RGSL1: variants seen among roughly 807,000 people sequenced by gnomAD.
RGSL1 encodes regulator of G protein signaling like 1.
A neutral mutation model predicts 124.7 loss-of-function variants in RGSL1; 97 were observed. The ratio of observed to expected loss-of-function variants is 0.78; its 90% CI spans 0.66 to 0.92. The LOEUF is 0.92. Among genes scored for constraint, RGSL1 ranks in the 40% least tolerant of loss-of-function variants. RGSL1 has a pLI of 0.00. For missense variants in RGSL1, 1,233 were observed against 1,288.4 expected, an observed-to-expected ratio of 0.96 and a Z score of 0.66; for synonymous variants, 424 against 438.1, an observed-to-expected ratio of 0.97 and a Z score of 0.40.
In RGSL1 at chr1:182,473,967, G is replaced by C. The variant is rs1055030469; in HGVS notation, c.856G>C (p.Glu286Gln). 4 of 1,551,908 alleles carry C rather than the reference G, an allele frequency of 2.6e-6. No individual in the cohort carries two copies. The African/African-American group carries it at 5.5e-5, about 21-fold the overall frequency. The part of the protein sequence containing the change: ...GMPLQETCPQ[E>Q]KVVIQMPSLK... ...GCCCCTACAGGAGACATGTCCTCAA[G>C]AGAAGGTGGTTATACAAATGCCTTC... The change falls in exon 6 of 22, where the codon GAG becomes CAG. Residue 286 changes from glutamate to glutamine, a missense_variant. Glu to Gln is a conservative substitution (Grantham distance 29). Transcript: ENST00000294854.
chr1:182,535,938 C>T (rs71632150), intron 14 of RGSL1, among the ~76,000 whole-genome samples: 10 of 152,118 alleles, frequency 6.6e-5, no homozygotes, highest in African/African-American at 1.9e-4. Context: ...ACACCCTCCC[C>T]GCTCCACTAC....
rs1290763703 is a variant in RGSL1, at chr1:182,488,991, G to A, written c.1506G>A (p.Arg502=). 6.4e-7 allele frequency: 1 copy of A among 1,550,440 alleles called. No individual in the cohort carries two copies. Among genetic ancestry groups the A allele is most frequent in the African/African-American group, 1.4e-5 (1 of 72,962 alleles). The change falls in exon 8 of 22, where the codon AGG becomes AGA. Residue 502 remains arginine, a synonymous_variant. Coordinates refer to ENST00000294854, the MANE Select transcript of RGSL1 (RefSeq NM_001137669.2). ...YWFLLFTTQN[R]FISSRQHKRE... The stretch of plus-strand genomic sequence containing the variant: ...CCCTCTTCTCTTAGACACAGAACAG[G>A]TTCATCAGCTCCAGACAGCATAAAA...
At chr1:182,553,612 C>A in intron 19 of RGSL1, 71 bp downstream of exon 19, 3 of 1,332,944 alleles carry the variant, frequency 2.3e-6, no homozygotes, top group East Asian at 2.5e-5. Flanking sequence ...CCAGCTTGGC[C>A]AATCCCCTTA....
chr1:182,474,479 G>A lies in RGSL1; in HGVS notation c.1368G>A (p.Lys456=). The A allele has an allele frequency of 6.4e-7, 1 of 1,551,738 alleles. No homozygotes were observed. The highest frequency in any genetic ancestry group is 1.2e-5 in the South Asian group (1 of 84,062). ...AATCCCAAACCATTCAGGGCCTGAAGGAACTATTGCCCTCTGGGGATGTGA... is the reference window on the plus strand; with the variant it reads ...AATCCCAAACCATTCAGGGCCTGAAAGAACTATTGCCCTCTGGGGATGTGA... ...PLKSQTIQGL[K]ELLPSGDVIP... The change falls in exon 6 of 22, where the codon AAG becomes AAA. Residue 456 remains lysine, a synonymous_variant. Transcript: ENST00000294854.
At chr1:182,469,489 C>CA (rs934795255) in intron 4 of RGSL1, among the ~76,000 whole-genome samples, 4 of 151,424 alleles carry the variant, frequency 2.6e-5, no homozygotes, top group Non-Finnish European at 4.4e-5. Context: ...CATTGTGTAC[C>CA]AAAAAAAATA....
At chr1:182,547,268 T>C (rs1660270663) in intron 15 of RGSL1, among the ~76,000 whole-genome samples, 1 of 152,224 alleles carries the variant, frequency 6.6e-6, no homozygotes. Context: ...GCATAGGAAG[T>C]GTATTTAGAC....
At chr1:182,493,269 G>T in intron 9 of RGSL1, 140 bp downstream of exon 9, 2 of 624,100 alleles carry the variant, frequency 3.2e-6, no homozygotes, top group Non-Finnish European at 5.6e-6. Context: ...TGGTTAGGGG[G>T]TAATGACTAT....
chr1:182,515,295 G>A (rs1471764434), intron 9 of RGSL1, among the ~76,000 whole-genome samples: 1 of 152,132 alleles, frequency 6.6e-6, no homozygotes, highest in African/African-American at 2.4e-5. Context: ...TTGGTCCTGC[G>A]CATTTACATT....
At chr1:182,468,659 GT>G (rs1653554274) in intron 4 of RGSL1, among the ~76,000 whole-genome samples, 1 of 152,056 alleles carries the variant, frequency 6.6e-6, no homozygotes, top group African/African-American at 2.4e-5. Context: ...TCTACCTAAT[GT>G]TAAATGATGA....
intron 14 of RGSL1, among the ~76,000 whole-genome samples, chr1:182,534,935 T>C (rs910516065): frequency 6.6e-6 from 1 of 152,170 alleles, no homozygotes; most frequent in African/African-American, 2.4e-5. Context: ...TCTTTGACTT[T>C]CCACTTCCCC....
At chr1:182,512,195 G>A (rs1402864270) in intron 9 of RGSL1, among the ~76,000 whole-genome samples, 1 of 152,100 alleles carries the variant, frequency 6.6e-6, no homozygotes, top group Non-Finnish European at 1.5e-5. Flanking sequence ...ATGCTCTGGT[G>A]TTAGGCACAT....
At chr1:182,549,009 C>T in intron 17 of RGSL1, 185 bp downstream of exon 17, 2 of 660,596 alleles carry the variant, frequency 3.0e-6, no homozygotes, top group Non-Finnish European at 4.8e-6. Flanking sequence ...ACACTGAATC[C>T]ACAGATGGAA....
At chr1:182,507,996 C>G (rs1050988092) in intron 9 of RGSL1, among the ~76,000 whole-genome samples, 4 of 152,064 alleles carry the variant, frequency 2.6e-5, no homozygotes, top group African/African-American at 9.7e-5. Flanking sequence ...CATGCCCAGC[C>G]CAGATGTTTT....
At chr1:182,508,735 G>A (rs1217198883) in intron 9 of RGSL1, among the ~76,000 whole-genome samples, 10 of 134,164 alleles carry the variant, frequency 7.5e-5, no homozygotes, top group Middle Eastern at 3.7e-3. Context: ...TTCTCACAGA[G>A]GGGGATTTGG....
chr1:182,473,549 C>CCATGATTTCATA, intron 5 of RGSL1, 26 bp from the exon 6 acceptor site: 2 of 1,490,900 alleles, frequency 1.3e-6, no homozygotes, highest in Non-Finnish European at 1.8e-6. Context: ...TCATTTTCAC[C>CCATGATTTCATA]CATGATTTCT....
chr1:182,500,726 A>G (rs931565025), intron 9 of RGSL1, among the ~76,000 whole-genome samples: 7 of 152,140 alleles, frequency 4.6e-5, no homozygotes, highest in African/African-American at 1.7e-4. Flanking sequence ...GATTACATTT[A>G]TAAGTATTTA....
intron 14 of RGSL1, among the ~76,000 whole-genome samples, chr1:182,539,317 A>C (rs1177107933): frequency 6.6e-6 from 1 of 152,172 alleles, no homozygotes; most frequent in Non-Finnish European, 1.5e-5. Flanking sequence ...AAAGATTGAA[A>C]GATAGTAGGA....
At chr1:182,553,313 G>T in intron 18 of RGSL1, 142 bp from the exon 19 acceptor site, 1 of 656,628 alleles carries the variant, frequency 1.5e-6, no homozygotes, top group Non-Finnish European at 2.6e-6. Context: ...CACATGCAAA[G>T]ATTTAGATTT....
At chr1:182,466,848 A>C (rs1019641095) in intron 4 of RGSL1, among the ~76,000 whole-genome samples, 3 of 152,308 alleles carry the variant, frequency 2.0e-5, no homozygotes, top group Admixed American at 6.5e-5. Context: ...AAGGAACTCC[A>C]AACAGCCATA....
Sources: allele counts gnomAD v4.1 joint callset (sites outside exome capture counted in the v4.1 genomes callset), GRCh38; gene constraint gnomAD v4.1.1; transcripts MANE v1.5; gene names NCBI Gene and HGNC (gene_info 2026-07-23, HGNC 2026-07-21).